Variants in UTRN observed in about 807,000 individuals in gnomAD.
UTRN encodes the protein dystrophin-related protein 1.
UTRN carries 283 observed loss-of-function variants against 463.9 expected under a neutral mutation model. The observed-to-expected ratio is 0.61, with a 90% CI of 0.55 to 0.67. The LOEUF (loss-of-function observed/expected upper bound fraction) is 0.67, where lower values mean the gene tolerates loss of function less well. Among genes scored for constraint, UTRN ranks in the 30% least tolerant of loss-of-function variants. The probability of loss-of-function intolerance (pLI) is 0.00; values close to 1 mark genes in which losing one functional copy is unlikely to be tolerated. For synonymous variants in UTRN, 1,442 were observed against 1,431.5 expected (o/e 1.01, Z -0.17); for missense variants, 3,922 against 4,084.3 (o/e 0.96, Z 1.08).
chr6:144,730,173 T>C (rs1384747159), intron 53 of UTRN, among the ~76,000 whole-genome samples, 184 bp from the exon 54 acceptor site: 1 of 152,258 alleles, frequency 6.6e-6, no homozygotes, highest in Admixed American at 6.5e-5. Flanking sequence ...AAATTATCTT[T>C]TTTCCTTTGT....
At chr6:144,689,220 G>A (rs1223071845) in intron 52 of UTRN, among the ~76,000 whole-genome samples, 2 of 152,166 alleles carry the variant, frequency 1.3e-5, no homozygotes, top group Non-Finnish European at 2.9e-5. Context: ...TAGAATGGCT[G>A]TCTACAGGTG....
At chr6:144,604,633 G>A (rs906614563) in intron 51 of UTRN, among the ~76,000 whole-genome samples, 1 of 152,012 alleles carries the variant, frequency 6.6e-6, no homozygotes, top group African/African-American at 2.4e-5. Context: ...GCATAAAAAG[G>A]CCAGGCGTGG....
intron 10 of UTRN, among the ~76,000 whole-genome samples, chr6:144,436,779 A>C (rs1035471943): frequency 3.5e-5 from 5 of 143,752 alleles, no homozygotes; most frequent in African/African-American, 1.3e-4. Context: ...ATATATAATA[A>C]ATAAATATAT....
At chr6:144,307,165 G>A (rs908668620) in intron 2 of UTRN, among the ~76,000 whole-genome samples, 10 of 152,088 alleles carry the variant, frequency 6.6e-5, no homozygotes, top group African/African-American at 1.9e-4. Flanking sequence ...GGTAGATGAC[G>A]GCAGCGGAAG....
intron 66 of UTRN, among the ~76,000 whole-genome samples, chr6:144,824,782 G>A (rs1780027620): frequency 7.6e-6 from 1 of 132,356 alleles, no homozygotes; most frequent in South Asian, 2.2e-4. Context: ...GTGGGGGGGG[G>A]TGTCCCCCCA....
At chr6:144,315,496 G>A (rs999281277) in intron 2 of UTRN, among the ~76,000 whole-genome samples, 6 of 152,206 alleles carry the variant, frequency 3.9e-5, no homozygotes, top group African/African-American at 1.2e-4. Context: ...GACAGGGCCC[G>A]ATGCCAAACT....
intron 52 of UTRN, among the ~76,000 whole-genome samples, chr6:144,682,318 A>G (rs549206116): frequency 6.6e-6 from 1 of 152,332 alleles, no homozygotes; most frequent in Non-Finnish European, 1.5e-5. Flanking sequence ...ACATTGTTGC[A>G]AATGACAGAA....
rs1275422323 is a variant in UTRN, at chr6:144,439,726, C to A, written c.1393-626C>A. On this transcript the variant is annotated intron_variant, in intron 12 of 74. Transcript: ENST00000367545. Reference sequence around the variant, plus strand: ...CCATGTTGGCCAGGCTGGTCTTGAACTCCTGACCTCAAGTGATCCGCCTGC... The same window carrying A: ...CCATGTTGGCCAGGCTGGTCTTGAAATCCTGACCTCAAGTGATCCGCCTGC... 2.6e-5 allele frequency among the ~76,000 whole-genome samples: 4 copies of A among 152,174 alleles called. No individual in the cohort carries two copies. In the East Asian group the frequency reaches 7.7e-4, roughly 29 times the overall value.
intron 65 of UTRN, among the ~76,000 whole-genome samples, chr6:144,809,341 A>T (rs1778413302): frequency 6.6e-6 from 1 of 152,068 alleles, no homozygotes; most frequent in Non-Finnish European, 1.5e-5. Flanking sequence ...GTAGTTTGTG[A>T]CTCCATCATT....
intron 41 of UTRN, among the ~76,000 whole-genome samples, chr6:144,525,846 C>G (rs189859055): frequency 6.6e-6 from 1 of 152,146 alleles, no homozygotes; most frequent in East Asian, 1.9e-4. Flanking sequence ...CTTAGTACCG[C>G]TTTTGCCATA....
At chr6:144,824,572 T>TTATA (rs71028314) in intron 66 of UTRN, among the ~76,000 whole-genome samples, 2,213 of 37,552 alleles carry the variant, frequency 0.059, 130 homozygotes, top group Non-Finnish European at 0.082. Context: ...AGCATTTTAT[T>TTATA]TATATATATA....
chr6:144,699,238 G>C (rs1784317978), intron 52 of UTRN, among the ~76,000 whole-genome samples: 1 of 152,066 alleles, frequency 6.6e-6, no homozygotes, highest in Admixed American at 6.5e-5. Context: ...AGGAGTTTCA[G>C]ACCAGGCTGA....
chr6:144,558,996 CA>C (rs1799627067), intron 50 of UTRN, among the ~76,000 whole-genome samples: 1 of 151,994 alleles, frequency 6.6e-6, no homozygotes, highest in African/African-American at 2.4e-5. Flanking sequence ...TTTGTGTTTC[CA>C]AAAATTCCAT....
At chr6:144,583,142 T>G (rs1802136514) in intron 51 of UTRN, 1 of 205,490 alleles carries the variant, frequency 4.9e-6, no homozygotes, top group Non-Finnish European at 9.7e-6. Flanking sequence ...CTTTAATGTT[T>G]CACTTAATAT....
intron 65 of UTRN, among the ~76,000 whole-genome samples, chr6:144,812,871 T>C (rs1218975396): frequency 6.6e-6 from 1 of 151,788 alleles, no homozygotes; most frequent in Non-Finnish European, 1.5e-5. Context: ...AAGTAAAAAA[T>C]TGATTAATTC....
In UTRN at chr6:144,789,945, TCAAA is replaced by T. The variant is rs1256019556; in HGVS notation, c.8920+667_8920+670del. Among the ~76,000 whole-genome samples, 3 of 152,324 alleles carry T rather than the reference TCAAA, an allele frequency of 2.0e-5. No individual in the cohort carries two copies. In the East Asian group the frequency reaches 5.8e-4, roughly 29 times the overall value. On this transcript the variant is annotated intron_variant, in intron 62 of 74. Transcript: ENST00000367545. ...GTTCAGGAGCCAAGGAGACCTGTCT[TCAAA>T]TCTCTACCACTTAGTAGCTGAGTGT... is the stretch of plus-strand genomic sequence containing the variant.
At chr6:144,346,910 T>TATCTATCTATCTATC (rs1562275401) in intron 2 of UTRN, among the ~76,000 whole-genome samples, 1 of 146,270 alleles carries the variant, frequency 6.8e-6, no homozygotes, top group African/African-American at 2.6e-5. Flanking sequence ...ATCTATCATC[T>TATCTATCTATCTATC]ATCTATCTAT....
chr6:144,381,269 G>A (rs910515685), intron 2 of UTRN, among the ~76,000 whole-genome samples: 34 of 152,114 alleles, frequency 2.2e-4, no homozygotes, highest in African/African-American at 8.0e-4. Flanking sequence ...TGAGAAATGT[G>A]GTATTTGGCT....
intron 64 of UTRN, 54 bp downstream of exon 64, chr6:144,798,044 CAGT>C (rs1396527902): frequency 6.2e-5 from 100 of 1,609,616 alleles, no homozygotes; most frequent in Non-Finnish European, 8.3e-5. Flanking sequence ...TGTGTAATCT[CAGT>C]GGTACGTCCA....
Sources: gnomAD v4.1 joint callset for allele counts (sites outside exome capture counted in the v4.1 genomes callset) on GRCh38, gnomAD v4.1.1 for gene constraint, MANE v1.5 for transcripts, NCBI Gene and HGNC (gene_info 2026-07-23, HGNC 2026-07-21) for gene names.